Variants in NFAT5 observed in about 807,000 individuals in gnomAD.
NFAT5 encodes nuclear factor of activated T-cells 5.
In NFAT5, 31 loss-of-function variants were observed where a neutral mutation model predicts 166.5. The ratio of observed to expected loss-of-function variants is 0.19; its 90% CI spans 0.14 to 0.25. The LOEUF is 0.25. Ranked by LOEUF, NFAT5 falls within the 10% of genes least tolerant of loss-of-function variation. The pLI, the probability that NFAT5 is intolerant of heterozygous loss-of-function variation, is 1.00. For synonymous variants in NFAT5, 612 were observed against 639.7 expected, an observed-to-expected ratio of 0.96 and a Z score of 0.65; for missense variants, 1,449 against 1,821.8, an observed-to-expected ratio of 0.80 and a Z score of 3.72.
At position 69,702,981 on chromosome 16, in the gene NFAT5, G is replaced by C. The variant is rs190136336; in HGVS notation, c.*6630G>C. 6.6e-6 allele frequency: 1 copy of C among 152,638 alleles called. No individual in the cohort carries two copies. Among genetic ancestry groups the C allele is most frequent in the African/African-American group, 2.4e-5 (1 of 41,522 alleles). 9.5% of individuals were successfully genotyped at this position (152,638 alleles called of 1,614,324 possible). ...TTAAATGACTGATTTAAATATATAGGTGCAATGTTCTATGTTTATTTTAAT... is the reference window on the plus strand; with the variant it reads ...TTAAATGACTGATTTAAATATATAGCTGCAATGTTCTATGTTTATTTTAAT... On this transcript the variant is annotated 3_prime_UTR_variant, in exon 15 of 15. Transcript: ENST00000349945.
chr16:69,611,219 A>G (rs1382307358), intron 2 of NFAT5, among the ~76,000 whole-genome samples: 1 of 152,190 alleles, frequency 6.6e-6, no homozygotes, highest in Non-Finnish European at 1.5e-5. Flanking sequence ...AATGATTATT[A>G]AATATATGGT....
At chr16:69,592,732 G>A (rs1326148850) in intron 2 of NFAT5, among the ~76,000 whole-genome samples, 2 of 152,116 alleles carry the variant, frequency 1.3e-5, no homozygotes, top group East Asian at 1.9e-4. Flanking sequence ...ATATAAGAAT[G>A]CTTATTAATC....
At chr16:69,682,461 A>G (rs1353127305) in intron 10 of NFAT5, among the ~76,000 whole-genome samples, 1 of 150,212 alleles carries the variant, frequency 6.7e-6, no homozygotes, top group African/African-American at 2.4e-5. Context: ...CTACAAAGAA[A>G]AAATAATACT....
At chr16:69,650,811 GT>G (rs1385791941) in intron 4 of NFAT5, among the ~76,000 whole-genome samples, 2 of 152,020 alleles carry the variant, frequency 1.3e-5, no homozygotes, top group Admixed American at 6.6e-5. Flanking sequence ...CTCTTTGTAT[GT>G]ATATTTGGGG....
At chr16:69,635,080 A>C (rs7189878) in intron 3 of NFAT5, among the ~76,000 whole-genome samples, 1 of 142,254 alleles carries the variant, frequency 7.0e-6, no homozygotes, top group African/African-American at 2.6e-5. Context: ...GTGCGATCTC[A>C]GCTCACTGAA....
intron 2 of NFAT5, among the ~76,000 whole-genome samples, chr16:69,589,521 GATAAAA>G (rs1198519583): frequency 6.6e-6 from 1 of 152,070 alleles, no homozygotes; most frequent in Non-Finnish European, 1.5e-5. Flanking sequence ...GATAAAATTT[GATAAAA>G]ATAAGAGGGC....
At chr16:69,655,868 A>G in intron 6 of NFAT5, 69 bp downstream of exon 6, 1 of 1,171,362 alleles carries the variant, frequency 8.5e-7, no homozygotes, top group South Asian at 1.9e-5. Flanking sequence ...TTCAGTTTCT[A>G]ATGTATAGAA....
In NFAT5 at chr16:69,702,470, A is replaced by G. The variant is rs569298291; in HGVS notation, c.*6119A>G. ...ACCAGTTGTCTATATATTTTGTGCC[A>G]TGTATATAAGAACATTACAATATAT... On this transcript the variant is annotated 3_prime_UTR_variant, in exon 15 of 15. Transcript: ENST00000349945. The G allele has an allele frequency of 1.3e-5, 2 of 152,360 alleles. No homozygotes were observed. The highest frequency in any genetic ancestry group is 2.4e-5 in the African/African-American group (1 of 41,592). 9.4% of individuals were successfully genotyped at this position (152,360 alleles called of 1,614,324 possible). A position where few individuals can be genotyped will look rare whatever the true frequency, so the allele number is the denominator to read the frequency against.
At chr16:69,588,961 C>T (rs545582038) in intron 2 of NFAT5, among the ~76,000 whole-genome samples, 3 of 149,356 alleles carry the variant, frequency 2.0e-5, no homozygotes, top group Non-Finnish European at 3.0e-5. Flanking sequence ...GTTGGACCCT[C>T]CCTCCTCTTT....
intron 7 of NFAT5, among the ~76,000 whole-genome samples, chr16:69,660,371 A>T (rs1211546982): frequency 6.6e-6 from 1 of 152,192 alleles, no homozygotes. Context: ...TCAAGGCTGC[A>T]GTGAGCCTTG....
Position 69,693,020 on chromosome 16 carries a change from G to A in NFAT5, c.3195G>A (p.Gln1065=). The change falls in exon 13 of 15, where the codon CAG becomes CAA. Residue 1065 remains glutamine, a synonymous_variant. Transcript: ENST00000349945. ...GTQQQGNGLF[Q]QGNEMMSLQS... ...AACAACAAGGTAATGGTTTATTCCA[G>A]CAAGGGAATGAGATGATGTCACTTC... The A allele has an allele frequency of 1.2e-6, 2 of 1,614,026 alleles. No homozygotes were observed. The highest frequency in any genetic ancestry group is 1.7e-6 in the Non-Finnish European group (2 of 1,180,012).
intron 2 of NFAT5, among the ~76,000 whole-genome samples, chr16:69,579,446 A>G (rs2031523220): frequency 6.6e-6 from 1 of 152,190 alleles, no homozygotes; most frequent in Non-Finnish European, 1.5e-5. Flanking sequence ...TTCCTTAAAA[A>G]ACTAATTATT....
At chr16:69,682,805 A>G (rs1174156755) in intron 10 of NFAT5, among the ~76,000 whole-genome samples, 1 of 152,200 alleles carries the variant, frequency 6.6e-6, no homozygotes, top group Non-Finnish European at 1.5e-5. Context: ...ACTGTGAAGC[A>G]TACTAAGATA....
At chr16:69,628,128 T>C (rs2151583647) in intron 3 of NFAT5, among the ~76,000 whole-genome samples, 2 of 151,980 alleles carry the variant, frequency 1.3e-5, no homozygotes, top group South Asian at 4.1e-4. Context: ...AAAGAACAGT[T>C]CTTCCTTTTA....
At chr16:69,567,343 G>A (rs887102429) in intron 1 of NFAT5, among the ~76,000 whole-genome samples, 1 of 152,202 alleles carries the variant, frequency 6.6e-6, no homozygotes, top group Admixed American at 6.5e-5. Context: ...ACAAGAATGT[G>A]TCAGAACAGG....
intron 4 of NFAT5, chr16:69,648,661 T>C: frequency 5.2e-6 from 5 of 967,752 alleles, no homozygotes; most frequent in Non-Finnish European, 4.9e-6. Flanking sequence ...TATTGTAATA[T>C]TTAATTGCTA....
Position 69,653,244 on chromosome 16 carries a change from A to G in NFAT5, c.821A>G (p.Glu274Gly), listed in dbSNP as rs2035750095. ...GNSKAGNGTL[E>G]NQKGTGVKKS... ...GTGCTTTGATTTCTCAGAACATTGG[A>G]AAACCAAAAAGGAACTGGAGTAAAG... The change falls in exon 5 of 15, where the codon GAA becomes GGA. Residue 274 changes from glutamate (E) to glycine (G), a missense_variant. By Grantham distance (98) the Glu-to-Gly change is moderately conservative (BLOSUM62 -2). Around this residue, in one of 7 missense-constraint regions of NFAT5, gnomAD observed 115 missense variants for 177.1 expected, o/e 0.65. Coordinates refer to ENST00000349945, the MANE Select transcript of NFAT5 (RefSeq NM_138713.4). 5 of 1,568,940 alleles carry G rather than the reference A, an allele frequency of 3.2e-6. No individual in the cohort carries two copies. The highest frequency in any genetic ancestry group is 4.3e-6 in the Non-Finnish European group (5 of 1,166,260).
Position 69,704,086 on chromosome 16 carries a change from A to C in NFAT5, c.*7735A>C, listed in dbSNP as rs1464273131. On this transcript the variant is annotated 3_prime_UTR_variant, in exon 15 of 15. Transcript: ENST00000349945. ...GGCTTGGAATCAGACTTCTGTGTCC[A>C]GTAAAAAACTCCTGCACTGAAGTCA... The C allele has an allele frequency of 6.6e-6, 1 of 152,638 alleles. No homozygotes were observed. Among genetic ancestry groups the C allele is most frequent in the Non-Finnish European group, 1.5e-5 (1 of 68,048 alleles). The allele number at this position is 152,638 out of a possible 1,614,324, so 9.5% of individuals were successfully genotyped here. A position where few individuals can be genotyped will look rare whatever the true frequency, so the allele number is the denominator to read the frequency against.
At chr16:69,577,974 CAGTG>C (rs1312766886) in intron 2 of NFAT5, among the ~76,000 whole-genome samples, 1 of 150,498 alleles carries the variant, frequency 6.6e-6, no homozygotes, top group Non-Finnish European at 1.5e-5. Context: ...GCCTGGGTGA[CAGTG>C]AGACCCTGTG....
Sources: allele counts gnomAD v4.1 joint callset (sites outside exome capture counted in the v4.1 genomes callset), GRCh38; gene constraint gnomAD v4.1.1; regional missense constraint gnomAD v4.1.1; transcripts MANE v1.5; gene names NCBI Gene and HGNC (gene_info 2026-07-23, HGNC 2026-07-21).